NRIP1: variants seen among roughly 807,000 people sequenced by gnomAD.
NRIP1 encodes the protein nuclear receptor interacting protein 1, also known as nuclear receptor-interacting protein 1.
Under a neutral mutation model 75.0 loss-of-function variants are expected in NRIP1, and 28 were observed. The observed-to-expected ratio is 0.37, with a 90% confidence interval of 0.28 to 0.51. The LOEUF (loss-of-function observed/expected upper bound fraction) is 0.51. Among genes scored for constraint, NRIP1 ranks in the 20% least tolerant of loss-of-function variants. NRIP1 has a pLI of 0.92. For synonymous variants in NRIP1, 526 were observed against 487.6 expected (o/e 1.08, Z -1.04); for missense variants, 1,435 against 1,343.7 (o/e 1.07, Z -1.06).
At chr21:15,009,250 A>C (rs2088045141) in intron 3 of NRIP1, among the ~76,000 whole-genome samples, 1 of 152,168 alleles carries the variant, frequency 6.6e-6, no homozygotes, top group African/African-American at 2.4e-5. Flanking sequence ...GATATGAAAA[A>C]TCTCCCATCT....
At chr21:15,006,154 G>C (rs1224208691) in intron 3 of NRIP1, among the ~76,000 whole-genome samples, 2 of 151,856 alleles carry the variant, frequency 1.3e-5, no homozygotes, top group Non-Finnish European at 1.5e-5. Context: ...TTCCCAACAT[G>C]ATGAATACAT....
chr21:15,029,582 A>G (rs991366965), intron 2 of NRIP1, among the ~76,000 whole-genome samples: 2 of 152,226 alleles, frequency 1.3e-5, no homozygotes, highest in African/African-American at 2.4e-5. Context: ...CCAGGAGGGT[A>G]GCAATTTTTT....
At chr21:15,050,903 T>C (rs1369543804) in intron 1 of NRIP1, 1 of 456,066 alleles carries the variant, frequency 2.2e-6, no homozygotes, top group Non-Finnish European at 4.4e-6. Context: ...AAACTAGGGA[T>C]CACTCTTACA....
intron 2 of NRIP1, among the ~76,000 whole-genome samples, chr21:15,024,422 A>G (rs1476537344): frequency 1.3e-5 from 2 of 152,094 alleles, no homozygotes; most frequent in South Asian, 2.1e-4. Flanking sequence ...GTCACCTGTA[A>G]TCCCAGCTAC....
At chr21:15,056,302 A>AG (rs924515081) in intron 1 of NRIP1, among the ~76,000 whole-genome samples, 23 of 152,148 alleles carry the variant, frequency 1.5e-4, no homozygotes, top group African/African-American at 5.3e-4. Context: ...AAAAAAAAAA[A>AG]AAAAAGAAAA....
intron 3 of NRIP1, among the ~76,000 whole-genome samples, chr21:14,990,309 G>A (rs2087533912): frequency 6.6e-6 from 1 of 151,822 alleles, no homozygotes; most frequent in Non-Finnish European, 1.5e-5. Flanking sequence ...AACATTGCTG[G>A]CATTCAGATA....
rs1481671210 is a variant in NRIP1 at position 14,965,320 on chromosome 21, G to C, written c.2873C>G (p.Ala958Gly). 1 of 1,613,812 alleles carries C rather than the reference G, an allele frequency of 6.2e-7. No individual in the cohort carries two copies. Among genetic ancestry groups the C allele is most frequent in the East Asian group, 2.2e-5 (1 of 44,896 alleles). The change falls in exon 4 of 4, where the codon GCT (alanine) becomes GGT (glycine). Residue 958 changes from alanine to glycine, a missense_variant. Physicochemically the swap from Ala to Gly is moderately conservative, Grantham distance 60. Coordinates refer to ENST00000318948, the MANE Select transcript of NRIP1 (RefSeq NM_003489.4). Reference protein sequence around the residue: ...DLSPHRSNSVADSKKKGHKNN... With the variant: ...DLSPHRSNSVGDSKKKGHKNN... ...TTTGTGTCCTTTCTTTTTACTGTCA[G>C]CCACAGAGTTACTTCTGTGCGGGGA...
chr21:15,037,269 C>T (rs1339792619), intron 2 of NRIP1, among the ~76,000 whole-genome samples: 1 of 152,122 alleles, frequency 6.6e-6, no homozygotes, highest in African/African-American at 2.4e-5. Flanking sequence ...TCATACAAAG[C>T]ACATGAAAAA....
At chr21:14,992,289 T>A (rs1481755751) in intron 3 of NRIP1, 2 of 152,036 alleles carry the variant, frequency 1.3e-5, no homozygotes, top group Non-Finnish European at 2.9e-5. Flanking sequence ...ACTCAAGTGA[T>A]CCCCCGACCA....
chr21:15,019,466 A>ATTTT (rs2088315760), intron 2 of NRIP1, among the ~76,000 whole-genome samples: 3 of 80,838 alleles, frequency 3.7e-5, no homozygotes, highest in Non-Finnish European at 7.5e-5. Context: ...AAACAACTGC[A>ATTTT]TTTCTTTTTT....
Position 14,968,416 on chromosome 21 carries a change from A to G in NRIP1, c.-224T>C. On this transcript the variant is annotated 5_prime_UTR_variant, in exon 4 of 4. Transcript: ENST00000318948. ...TCAACTTCTACGCAAGGAGGAGGAG[A>G]AGAATTCCTTAACACATAGGTCTGT... The G allele has an allele frequency of 1.9e-6, 1 of 513,452 alleles. No homozygotes were observed. The highest frequency in any genetic ancestry group is 3.5e-6 in the Non-Finnish European group (1 of 283,760). 31.8% of individuals were successfully genotyped at this position (513,452 alleles called of 1,614,324 possible). A position where few individuals can be genotyped will look rare whatever the true frequency, so the allele number is the denominator to read the frequency against.
intron 3 of NRIP1, among the ~76,000 whole-genome samples, chr21:15,012,883 G>A: frequency 6.6e-6 from 1 of 152,090 alleles, no homozygotes; most frequent in Non-Finnish European, 1.5e-5. Flanking sequence ...AGTGAGCATT[G>A]CTTATCATTC....
chr21:15,043,006 G>C (rs74771745), intron 2 of NRIP1, among the ~76,000 whole-genome samples: 3 of 152,118 alleles, frequency 2.0e-5, no homozygotes, highest in African/African-American at 7.2e-5. Flanking sequence ...ATGGATGTTC[G>C]GAGGCAAAAC....
intron 2 of NRIP1, among the ~76,000 whole-genome samples, chr21:15,019,639 C>T (rs959738636): frequency 6.6e-6 from 1 of 151,584 alleles, no homozygotes; most frequent in Non-Finnish European, 1.5e-5. Context: ...CAGGCATGCA[C>T]CACCATGCCT....
intron 2 of NRIP1, among the ~76,000 whole-genome samples, chr21:15,015,760 A>G (rs1418521975): frequency 6.6e-6 from 1 of 152,176 alleles, no homozygotes; most frequent in Non-Finnish European, 1.5e-5. Context: ...GTTTTAAACA[A>G]AAGTAAATGC....
chr21:14,993,382 A>T (rs912467295), intron 3 of NRIP1, among the ~76,000 whole-genome samples: 8 of 152,232 alleles, frequency 5.3e-5, no homozygotes, highest in Non-Finnish European at 8.8e-5. Flanking sequence ...CAGATTTTCC[A>T]CAGTTCACTT....
chr21:15,016,840 G>A (rs957603545), intron 2 of NRIP1, among the ~76,000 whole-genome samples: 34 of 151,712 alleles, frequency 2.2e-4, no homozygotes, highest in Non-Finnish European at 3.4e-4. Flanking sequence ...AGCCAAGATC[G>A]CGCCACTGCA....
chr21:14,983,983 A>G (rs2087319744), intron 3 of NRIP1, among the ~76,000 whole-genome samples: 1 of 152,250 alleles, frequency 6.6e-6, no homozygotes, highest in South Asian at 2.1e-4. Flanking sequence ...TGTTGTTTTT[A>G]TGCCTGCTAA....
intron 1 of NRIP1, chr21:15,051,140 T>C (rs1023984191): frequency 2.9e-6 from 1 of 341,134 alleles, no homozygotes; most frequent in Non-Finnish European, 5.8e-6. Flanking sequence ...ACACTGGGGC[T>C]TTCTCATGTG....
Sources: allele counts gnomAD v4.1 joint callset (sites outside exome capture counted in the v4.1 genomes callset), GRCh38; gene constraint gnomAD v4.1.1; transcripts MANE v1.5; gene names NCBI Gene and HGNC (gene_info 2026-07-23, HGNC 2026-07-21).